AGMO: variants seen among roughly 807,000 people sequenced by gnomAD.
The protein encoded by AGMO is alkylglycerol monooxygenase.
Under a neutral mutation model 60.2 loss-of-function variants are expected in AGMO, and 75 were observed. The ratio of observed to expected loss-of-function variants is 1.25; its 90% confidence interval spans 1.03 to 1.51. The LOEUF (loss-of-function observed/expected upper bound fraction) is 1.51, where lower values mean the gene tolerates loss of function less well. Ranked by LOEUF, AGMO falls within the 40% of genes most tolerant of loss-of-function variation. The pLI is 0.00. For synonymous variants in AGMO, 261 were observed against 177.1 expected (o/e 1.47, Z -3.76); for missense variants, 763 against 525.5 (o/e 1.45, Z -4.42).
Position 15,529,642 on chromosome 7 carries a change from A to AC in AGMO, c.409+15129_409+15130insG, listed in dbSNP as rs74184358. ...TAGAATATATATATAGAATATATAT[A>AC]TATACTATATATTCTATATATATTC... is the stretch of plus-strand genomic sequence containing the variant. On this transcript the variant is annotated intron_variant, in intron 3 of 12. Transcript: ENST00000342526. Among the ~76,000 whole-genome samples the AC allele has an allele frequency of 1.4e-3, 30 of 21,712 alleles. 11 individuals are homozygous for AC. The East Asian group carries it at 0.11, about 80-fold the overall frequency. 14.2% of individuals were successfully genotyped at this position (21,712 alleles called of 152,430 possible). A position where few individuals can be genotyped will look rare whatever the true frequency, so the allele number is the denominator to read the frequency against.
the AGMO span, among the ~76,000 whole-genome samples, chr7:15,168,872 G>A: frequency 1.5e-4 from 23 of 152,300 alleles, 1 homozygote; most frequent in Middle Eastern, 0.01. Context: ...CAAATTCCTA[G>A]TGCCACTCTC....
At chr7:15,442,490 A>C (rs1299568737) in intron 3 of AGMO, among the ~76,000 whole-genome samples, 1 of 152,184 alleles carries the variant, frequency 6.6e-6, no homozygotes, top group African/African-American at 2.4e-5. Flanking sequence ...AGATAACCTC[A>C]TGTCATACCC....
chr7:15,309,951 T>C (rs1256175784), intron 12 of AGMO, among the ~76,000 whole-genome samples: 1 of 152,188 alleles, frequency 6.6e-6, no homozygotes, highest in Non-Finnish European at 1.5e-5. Context: ...TAGCACTATA[T>C]ACATTTATAT....
intron 12 of AGMO, among the ~76,000 whole-genome samples, chr7:15,226,727 C>T (rs1782093932): frequency 6.6e-6 from 1 of 152,060 alleles, no homozygotes; most frequent in Non-Finnish European, 1.5e-5. Flanking sequence ...CCCAACAGTA[C>T]ATTCAATTAT....
At chr7:15,354,775 C>A (rs1490041874) in intron 12 of AGMO, among the ~76,000 whole-genome samples, 2 of 151,016 alleles carry the variant, frequency 1.3e-5, no homozygotes, top group Non-Finnish European at 3.0e-5. Context: ...CTGCTAATAA[C>A]CCCAGTGTTT....
chr7:15,342,451 A>G (rs570921863), intron 12 of AGMO, among the ~76,000 whole-genome samples: 3 of 152,148 alleles, frequency 2.0e-5, no homozygotes, highest in East Asian at 1.9e-4. Flanking sequence ...TAATGACTTC[A>G]TTGGTAAACT....
At position 15,329,582 on chromosome 7, in the gene AGMO, G is replaced by A. The variant is rs115167946; in HGVS notation, c.1263+35932C>T. Reference sequence around the variant, plus strand: ...TCTTCTATCAGAGAGGAATAACCTAGGAACAAGCAGGTGCCATTTTCATAT... The same window carrying A: ...TCTTCTATCAGAGAGGAATAACCTAAGAACAAGCAGGTGCCATTTTCATAT... On this transcript the variant is annotated intron_variant, in intron 12 of 12. Transcript: ENST00000342526. Among the ~76,000 whole-genome samples, 1,426 of 152,216 alleles carry A rather than the reference G, an allele frequency of 9.4e-3. 25 individuals are homozygous for A. Among genetic ancestry groups the A allele is most frequent in the African/African-American group, 0.034 (1,395 of 41,520 alleles).
intron 12 of AGMO, among the ~76,000 whole-genome samples, chr7:15,347,933 T>G (rs1488088940): frequency 6.6e-6 from 1 of 152,194 alleles, no homozygotes; most frequent in Middle Eastern, 3.4e-3. Flanking sequence ...CCTATCTTTA[T>G]GTCAAAAGCA....
At chr7:15,265,591 C>A (rs988790880) in intron 12 of AGMO, among the ~76,000 whole-genome samples, 1 of 151,654 alleles carries the variant, frequency 6.6e-6, no homozygotes, top group Non-Finnish European at 1.5e-5. Context: ...CTATCTCACA[C>A]CCATTAGGCT....
chr7:15,359,248 C>T (rs948266678), intron 12 of AGMO, among the ~76,000 whole-genome samples: 2 of 146,130 alleles, frequency 1.4e-5, no homozygotes, highest in African/African-American at 5.1e-5. Flanking sequence ...GAGATCACGC[C>T]ACTGCACTGC....
chr7:15,227,508 TAAA>T (rs72001085), intron 12 of AGMO, among the ~76,000 whole-genome samples: 4 of 140,104 alleles, frequency 2.9e-5, no homozygotes. Flanking sequence ...GATGGCAGAT[TAAA>T]AAAAAAAAAA....
chr7:15,484,951 G>A (rs1236031787), intron 3 of AGMO, among the ~76,000 whole-genome samples: 1 of 151,972 alleles, frequency 6.6e-6, no homozygotes, highest in Non-Finnish European at 1.5e-5. Context: ...AGTTCTAAGG[G>A]GTGGTTGAGT....
the AGMO span, among the ~76,000 whole-genome samples, chr7:15,136,135 A>G: frequency 6.6e-6 from 1 of 151,910 alleles, no homozygotes; most frequent in Admixed American, 6.6e-5. Flanking sequence ...CTGGGATTAC[A>G]GGCATGTGCC....
At chr7:15,447,649 C>T (rs1197026077) in intron 3 of AGMO, among the ~76,000 whole-genome samples, 1 of 152,112 alleles carries the variant, frequency 6.6e-6, no homozygotes, top group Non-Finnish European at 1.5e-5. Flanking sequence ...CTCCCAGGTT[C>T]AAGTGATTCT....
chr7:15,320,783 G>C (rs1202228194), intron 12 of AGMO, among the ~76,000 whole-genome samples: 1 of 152,020 alleles, frequency 6.6e-6, no homozygotes, highest in African/African-American at 2.4e-5. Context: ...CTACAAATTA[G>C]GGAAATCTAT....
the AGMO span, among the ~76,000 whole-genome samples, chr7:15,123,294 C>T: frequency 9.9e-5 from 15 of 151,980 alleles, no homozygotes; most frequent in African/African-American, 3.1e-4. Flanking sequence ...TACAGAACTT[C>T]CAACATCCTA....
intron 11 of AGMO, 96 bp downstream of exon 11, chr7:15,366,044 C>A: frequency 1.2e-6 from 1 of 828,676 alleles, no homozygotes; most frequent in South Asian, 2.1e-5. Flanking sequence ...ATTTTTAAAA[C>A]TACACTAGTT....
chr7:15,535,590 T>C (rs1236823824), intron 3 of AGMO, among the ~76,000 whole-genome samples: 2 of 151,948 alleles, frequency 1.3e-5, no homozygotes, highest in Non-Finnish European at 2.9e-5. Context: ...ATTTTATATC[T>C]GGACTTTCTT....
chr7:15,351,161 A>G (rs1329190799), intron 12 of AGMO, among the ~76,000 whole-genome samples: 1 of 152,122 alleles, frequency 6.6e-6, no homozygotes, highest in Non-Finnish European at 1.5e-5. Context: ...TCTTCATTCT[A>G]GAAACTAAAC....
Sources: allele counts gnomAD v4.1 joint callset (sites outside exome capture counted in the v4.1 genomes callset), GRCh38; gene constraint gnomAD v4.1.1; transcripts MANE v1.5; gene names NCBI Gene and HGNC (gene_info 2026-07-23, HGNC 2026-07-21).